Variants in VAT1L observed in about 807,000 individuals in gnomAD.
VAT1L encodes vesicle amine transport 1 like.
A neutral mutation model predicts 44.1 loss-of-function variants in VAT1L; 34 were observed. That is an observed-to-expected ratio of 0.77 (90% CI 0.59 to 1.03). VAT1L has a LOEUF of 1.03. Ranked by LOEUF, VAT1L falls within the 50% of genes least tolerant of loss-of-function variation. The probability of loss-of-function intolerance (pLI) is 0.00; values close to 1 mark genes in which losing one functional copy is unlikely to be tolerated. For synonymous variants in VAT1L, 253 were observed against 202.2 expected (o/e 1.25, Z -2.13); for missense variants, 615 against 538.8 (o/e 1.14, Z -1.40).
chr16:77,851,577 C>A (rs550885672), intron 3 of VAT1L, among the ~76,000 whole-genome samples: 1 of 151,916 alleles, frequency 6.6e-6, no homozygotes, highest in Admixed American at 6.6e-5. Flanking sequence ...CGCTTGAGAC[C>A]AAGAGTTTGA....
rs529103841 is a variant in VAT1L at position 77,960,776 on chromosome 16, T to C, written c.1078-11074T>C. Among the ~76,000 whole-genome samples, 6 of 152,208 alleles carry C rather than the reference T, an allele frequency of 3.9e-5. No individual in the cohort carries two copies. In the South Asian group the frequency reaches 8.3e-4, roughly 21 times the overall value. ...GCAGCCCAGGACCCCTCCTCAGCCCTGATTGAGGCTTCCAGCCACCCCACC... is the reference window on the plus strand; with the variant it reads ...GCAGCCCAGGACCCCTCCTCAGCCCCGATTGAGGCTTCCAGCCACCCCACC... On this transcript the variant is annotated intron_variant, in intron 7 of 8. Coordinates refer to ENST00000302536, the MANE Select transcript of VAT1L (RefSeq NM_020927.3).
chr16:77,940,505 G>A (rs1183194684), intron 7 of VAT1L, among the ~76,000 whole-genome samples: 9 of 151,778 alleles, frequency 5.9e-5, no homozygotes, highest in African/African-American at 2.2e-4. Flanking sequence ...TACCATGCCT[G>A]GGTAATTTTT....
At chr16:77,869,144 G>A (rs1357125962) in intron 4 of VAT1L, among the ~76,000 whole-genome samples, 6 of 152,168 alleles carry the variant, frequency 3.9e-5, no homozygotes, top group Admixed American at 3.9e-4. Context: ...GCAGAAGGGG[G>A]AAGGGAGAGG....
intron 7 of VAT1L, among the ~76,000 whole-genome samples, chr16:77,950,101 T>C (rs921281554): frequency 3.9e-5 from 6 of 152,184 alleles, no homozygotes; most frequent in Non-Finnish European, 8.8e-5. Flanking sequence ...GCTCATTGTG[T>C]TCATTTTTTA....
intron 3 of VAT1L, among the ~76,000 whole-genome samples, chr16:77,844,011 T>A (rs936271563): frequency 1.3e-5 from 2 of 152,182 alleles, no homozygotes; most frequent in East Asian, 1.9e-4. Context: ...GTATCTGGAA[T>A]ACAATGGCAA....
intron 7 of VAT1L, among the ~76,000 whole-genome samples, chr16:77,968,501 G>T (rs777682607): frequency 1.3e-5 from 2 of 152,086 alleles, no homozygotes; most frequent in Non-Finnish European, 2.9e-5. Flanking sequence ...CAAGGCAGGC[G>T]GATCACAAAG....
chr16:77,881,363 A>G (rs72794885), intron 6 of VAT1L, among the ~76,000 whole-genome samples: 4,856 of 152,316 alleles, frequency 0.032, 113 homozygotes, highest in Middle Eastern at 0.088. Context: ...TGGTTCTTAT[A>G]TACTAATGAG....
At chr16:77,910,531 G>C (rs988786225) in intron 7 of VAT1L, among the ~76,000 whole-genome samples, 3 of 151,936 alleles carry the variant, frequency 2.0e-5, no homozygotes, top group African/African-American at 4.8e-5. Context: ...AATATTAGCA[G>C]GGCATGGTGG....
chr16:77,866,192 C>A (rs1400011059), intron 4 of VAT1L, among the ~76,000 whole-genome samples: 4 of 152,234 alleles, frequency 2.6e-5, no homozygotes, highest in Non-Finnish European at 5.9e-5. Flanking sequence ...CAGAGCCAAA[C>A]CCTGCTTCTG....
intron 4 of VAT1L, among the ~76,000 whole-genome samples, chr16:77,865,216 G>A (rs1321080336): frequency 1.3e-5 from 2 of 151,908 alleles, no homozygotes; most frequent in South Asian, 2.1e-4. Flanking sequence ...CTCGTGATGC[G>A]CCCATCTTGG....
At chr16:77,944,029 G>C (rs2017927327) in intron 7 of VAT1L, among the ~76,000 whole-genome samples, 1 of 152,148 alleles carries the variant, frequency 6.6e-6, no homozygotes, top group Non-Finnish European at 1.5e-5. Flanking sequence ...ATCAAAGGCT[G>C]TGCTTCTCAG....
At chr16:77,905,146 C>T (rs1426261482) in intron 7 of VAT1L, among the ~76,000 whole-genome samples, 2 of 152,076 alleles carry the variant, frequency 1.3e-5, no homozygotes, top group African/African-American at 4.8e-5. Context: ...ATATATTGGG[C>T]ATTATTTGTA....
intron 3 of VAT1L, among the ~76,000 whole-genome samples, chr16:77,826,199 T>TC (rs2016520521): frequency 1.1e-5 from 1 of 90,308 alleles, no homozygotes. Context: ...AGAGCGAGAC[T>TC]CCGTCTCAAA....
chr16:77,957,203 A>C (rs1032760676), intron 7 of VAT1L, among the ~76,000 whole-genome samples: 2 of 152,268 alleles, frequency 1.3e-5, no homozygotes, highest in Middle Eastern at 6.8e-3. Flanking sequence ...GAATTCTTAA[A>C]TTTTTAGCCC....
intron 4 of VAT1L, among the ~76,000 whole-genome samples, chr16:77,871,015 CT>C (rs2017026069): frequency 6.6e-6 from 1 of 152,164 alleles, no homozygotes; most frequent in Non-Finnish European, 1.5e-5. Flanking sequence ...TCAGTACAGT[CT>C]TTCTATGGGG....
At chr16:77,966,382 T>A (rs1036645825) in intron 7 of VAT1L, among the ~76,000 whole-genome samples, 2 of 152,012 alleles carry the variant, frequency 1.3e-5, no homozygotes, top group Non-Finnish European at 1.5e-5. Context: ...AGAGCTCACA[T>A]CCAAGTCAAC....
intron 3 of VAT1L, among the ~76,000 whole-genome samples, chr16:77,849,934 A>T (rs1298155518): frequency 6.6e-6 from 1 of 152,186 alleles, no homozygotes; most frequent in African/African-American, 2.4e-5. Context: ...TGAGTCATTC[A>T]TGTTCAGGGC....
At chr16:77,906,240 T>A (rs1398478061) in intron 7 of VAT1L, among the ~76,000 whole-genome samples, 8 of 152,206 alleles carry the variant, frequency 5.3e-5, no homozygotes, top group Admixed American at 5.2e-4. Flanking sequence ...AGAGATTTGA[T>A]GTTTAAACTC....
chr16:77,893,576 C>T (rs2017290632), intron 7 of VAT1L, among the ~76,000 whole-genome samples: 1 of 152,202 alleles, frequency 6.6e-6, no homozygotes, highest in Non-Finnish European at 1.5e-5. Context: ...ACTACTACGA[C>T]TGCTACTACT....
Sources: allele counts gnomAD v4.1 joint callset (sites outside exome capture counted in the v4.1 genomes callset), GRCh38; gene constraint gnomAD v4.1.1; transcripts MANE v1.5; gene names NCBI Gene and HGNC (gene_info 2026-07-23, HGNC 2026-07-21).